Variants in ZNF569 observed in about 807,000 individuals in gnomAD.
The protein encoded by ZNF569 is DNA-binding protein.
A neutral mutation model predicts 56.3 loss-of-function variants in ZNF569; 38 were observed. The observed-to-expected ratio is 0.68, with a 90% CI of 0.52 to 0.88. The LOEUF (loss-of-function observed/expected upper bound fraction) is 0.88, where lower values mean the gene tolerates loss of function less well. ZNF569 is among the 40% of genes least tolerant of loss of function. ZNF569 has a pLI of 0.00. For synonymous variants in ZNF569, 241 were observed against 262.9 expected (o/e 0.92, Z 0.81); for missense variants, 666 against 809.2 (o/e 0.82, Z 2.15).
Position 37,465,646 on chromosome 19 carries a change from C to A in ZNF569, c.-204-173G>T, listed in dbSNP as rs145613348. 1.7e-4 allele frequency among the ~76,000 whole-genome samples: 26 copies of A among 152,226 alleles called. No individual in the cohort carries two copies. The East Asian group carries it at 4.6e-3, about 27-fold the overall frequency. On this transcript the variant is annotated intron_variant, in intron 1 of 5. Transcript: ENST00000316950. ...TATTTAGAATATCCATTGTTATCAA[C>A]AGTGTATGAGGATATAAGCAGTCTT... is the stretch of plus-strand genomic sequence containing the variant.
At chr19:37,430,247 C>T (rs542452485) in intron 3 of ZNF569, among the ~76,000 whole-genome samples, 34 of 150,242 alleles carry the variant, frequency 2.3e-4, no homozygotes, top group Admixed American at 2.3e-3. Flanking sequence ...GCAATAAGTG[C>T]ATTAACATAT....
At chr19:37,424,440 A>C (rs969579140) in intron 5 of ZNF569, among the ~76,000 whole-genome samples, 5 of 152,144 alleles carry the variant, frequency 3.3e-5, no homozygotes, top group African/African-American at 1.2e-4. Flanking sequence ...GTTCTGAGGA[A>C]AGAAATTAAG....
chr19:37,435,846 A>G (rs2041300104), intron 3 of ZNF569, among the ~76,000 whole-genome samples: 1 of 152,206 alleles, frequency 6.6e-6, no homozygotes, highest in African/African-American at 2.4e-5. Context: ...CAGATACATA[A>G]AGCAAATATT....
chr19:37,413,546 A>G lies in ZNF569; in HGVS notation c.1112T>C (p.Ile371Thr), dbSNP rs751340952. The change falls in exon 6 of 6, where the codon ATA becomes ACA. Residue 371 changes from isoleucine to threonine, a missense_variant. By Grantham distance (89) the Ile-to-Thr change is moderately conservative. Coordinates refer to ENST00000316950, the MANE Select transcript of ZNF569 (RefSeq NM_152484.3). ...TTCACCTGTATGAATTCTAACATGT[A>G]TAATAAGCATGGAAAACTGAGAGAA... ...KAFSQFSMLI[I>T]HVRIHTGEKP... 4 of 1,613,172 alleles carry G rather than the reference A, an allele frequency of 2.5e-6. No homozygotes were observed. Among genetic ancestry groups the G allele is most frequent in the South Asian group, 1.1e-5 (1 of 90,956 alleles).
At chr19:37,440,231 G>T (rs185830950) in intron 3 of ZNF569, among the ~76,000 whole-genome samples, 23 of 151,924 alleles carry the variant, frequency 1.5e-4, no homozygotes, top group Admixed American at 1.1e-3. Flanking sequence ...TAACAACAAA[G>T]AATCCTATAT....
At chr19:37,466,021 T>C (rs1217172775) in intron 1 of ZNF569, among the ~76,000 whole-genome samples, 16 of 152,220 alleles carry the variant, frequency 1.1e-4, no homozygotes, top group Non-Finnish European at 2.2e-4. Flanking sequence ...GTATGTATAG[T>C]GTTACTGCAA....
At position 37,411,225 on chromosome 19, in the gene ZNF569, C is replaced by T. The variant is rs1318658232; in HGVS notation, c.*1372G>A. 1.3e-5 allele frequency: 2 copies of T among 152,198 alleles called. No homozygotes were observed. Among genetic ancestry groups the T allele is most frequent in the African/African-American group, 4.8e-5 (2 of 41,462 alleles). The allele number at this position is 152,198 out of a possible 1,614,324, so 9.4% of individuals were successfully genotyped here. Reference sequence around the variant, plus strand: ...AACAACTCCCACCAAACCTTTCCCACATCCCAAAAGGCAACCAAGTCATAT... The same window carrying T: ...AACAACTCCCACCAAACCTTTCCCATATCCCAAAAGGCAACCAAGTCATAT... On this transcript the variant is annotated 3_prime_UTR_variant, in exon 6 of 6. Coordinates refer to ENST00000316950, the MANE Select transcript of ZNF569 (RefSeq NM_152484.3).
Position 37,414,369 on chromosome 19 carries a change from T to C in ZNF569, c.289A>G (p.Arg97Gly). The change falls in exon 6 of 6, where the codon AGA (arginine) becomes GGA (glycine). Residue 97 changes from arginine to glycine, a missense_variant. Arg to Gly is a moderately radical substitution (Grantham distance 125). Coordinates refer to ENST00000316950, the MANE Select transcript of ZNF569 (RefSeq NM_152484.3). Reference sequence around the variant, plus strand: ...TTCTGGAATTTAACTTCAACTTGTCTCAAAAGTCTGTCCTGGTTTTTCTGA... The same window carrying C: ...TTCTGGAATTTAACTTCAACTTGTCCCAAAAGTCTGTCCTGGTTTTTCTGA... The part of the protein sequence containing the change: ...EHQKNQDRLL[R>G]QVEVKFQKTL... The C allele has an allele frequency of 6.2e-7, 1 of 1,611,078 alleles. No homozygotes were observed. Among genetic ancestry groups the C allele is most frequent in the African/African-American group, 1.3e-5 (1 of 74,896 alleles).
At chr19:37,430,719 G>A (rs2041212279) in intron 3 of ZNF569, among the ~76,000 whole-genome samples, 1 of 152,096 alleles carries the variant, frequency 6.6e-6, no homozygotes, top group Non-Finnish European at 1.5e-5. Context: ...CAAAAATCAG[G>A]TCAGCAGTCA....
intron 5 of ZNF569, among the ~76,000 whole-genome samples, chr19:37,420,341 A>G (rs2041014271): frequency 6.6e-6 from 1 of 152,028 alleles, no homozygotes; most frequent in South Asian, 2.1e-4. Context: ...TCTTTCACAA[A>G]AAGTTTCTCT....
intron 3 of ZNF569, among the ~76,000 whole-genome samples, chr19:37,432,922 T>G (rs1008035176): frequency 4.0e-5 from 6 of 150,232 alleles, no homozygotes; most frequent in Admixed American, 4.0e-4. Flanking sequence ...TTTTTTTTTT[T>G]TTTGAGACAG....
Position 37,425,974 on chromosome 19 carries a change from G to A in ZNF569, c.143-11C>T, listed in dbSNP as rs2041124831. The A allele has an allele frequency of 1.2e-6, 2 of 1,613,444 alleles. No individual in the cohort carries two copies. Among genetic ancestry groups the A allele is most frequent in the Non-Finnish European group, 1.7e-6 (2 of 1,179,592 alleles). On this transcript the variant is annotated splice_polypyrimidine_tract_variant and intron_variant, in intron 4 of 5. Coordinates refer to ENST00000316950, the MANE Select transcript of ZNF569 (RefSeq NM_152484.3). ...TGGTGAACGGATAGCCTGTCAAAGG[G>A]AAGTTACATAGATTTGGGCATACAT...
At position 37,451,820 on chromosome 19, in the gene ZNF569, C is replaced by T. The variant is rs113508643; in HGVS notation, c.-43-6856G>A. 7.1e-3 allele frequency among the ~76,000 whole-genome samples: 1,078 copies of T among 152,160 alleles called. 15 individuals carry two copies. Among genetic ancestry groups the T allele is most frequent in the African/African-American group, 0.024 (1,003 of 41,494 alleles). On this transcript the variant is annotated intron_variant, in intron 2 of 5. Transcript: ENST00000316950. The stretch of plus-strand genomic sequence containing the variant: ...TCCCGCACCTTCAGCCTATGTGTGC[C>T]GTTAAGATCTGAAGTGAGCTTTTTG...
intron 3 of ZNF569, among the ~76,000 whole-genome samples, chr19:37,439,840 G>A (rs1281685730): frequency 1.3e-5 from 2 of 152,188 alleles, no homozygotes; most frequent in Non-Finnish European, 2.9e-5. Context: ...ACTTATTTAT[G>A]AGAGCTAAAA....
intron 1 of ZNF569, among the ~76,000 whole-genome samples, chr19:37,465,683 A>G (rs1232824824): frequency 6.6e-6 from 1 of 152,262 alleles, no homozygotes; most frequent in African/African-American, 2.4e-5. Flanking sequence ...TACTATGCCA[A>G]TAATACTGCA....
Position 37,429,045 on chromosome 19 carries a change from A to G in ZNF569, c.16-2667T>C, listed in dbSNP as rs571460547. Among the ~76,000 whole-genome samples the G allele has an allele frequency of 3.9e-5, 6 of 152,322 alleles. No individual in the cohort carries two copies. In the South Asian group the frequency reaches 1.2e-3, roughly 32 times the overall value. ...AAGCCTAAGACTGATCTTAAAAAAA[A>G]GAAGAAAATCCCAACAGTGCAATAC... is the stretch of plus-strand genomic sequence containing the variant. On this transcript the variant is annotated intron_variant, in intron 3 of 5. Transcript: ENST00000316950.
intron 5 of ZNF569, among the ~76,000 whole-genome samples, chr19:37,418,539 G>A (rs558163427): frequency 6.6e-6 from 1 of 152,210 alleles, no homozygotes; most frequent in East Asian, 1.9e-4. Flanking sequence ...CAGAAGAACC[G>A]AGAACGCTAA....
intron 2 of ZNF569, among the ~76,000 whole-genome samples, chr19:37,448,830 C>G (rs980992577): frequency 3.3e-5 from 5 of 151,902 alleles, no homozygotes; most frequent in Non-Finnish European, 7.4e-5. Context: ...CCCAAAGAGC[C>G]ACCGCATCCG....
chr19:37,413,932 G>C lies in ZNF569; in HGVS notation c.726C>G (p.Tyr242Ter). 6.2e-7 allele frequency: 1 copy of C among 1,613,210 alleles called. No individual in the cohort carries two copies. Among genetic ancestry groups the C allele is most frequent in the South Asian group, 1.1e-5 (1 of 91,050 alleles). Reference sequence around the variant, plus strand: ...AAGCTTTACCACATTCATTACATTTGTAAGACTGCTCCCTACTGTGAATTT... The same window carrying C: ...AAGCTTTACCACATTCATTACATTTCTAAGACTGCTCCCTACTGTGAATTT... ...HYKIHSREQS[Y>*]KCNECGKAFI... The change falls in exon 6 of 6, where the codon TAC becomes TAG. Residue 242 changes from tyrosine to a stop codon, truncating the protein, a stop_gained. Coordinates refer to ENST00000316950, the MANE Select transcript of ZNF569 (RefSeq NM_152484.3). LOFTEE classifies it high-confidence loss of function.
Sources: allele counts gnomAD v4.1 joint callset (sites outside exome capture counted in the v4.1 genomes callset), GRCh38; gene constraint gnomAD v4.1.1; transcripts MANE v1.5; gene names NCBI Gene and HGNC (gene_info 2026-07-23, HGNC 2026-07-21).